The following ASIC2 variants were observed in gnomAD, a reference collection of about 807,000 sequenced individuals.
The protein encoded by ASIC2 is acid-sensing ion channel 2.
ASIC2 carries 25 observed loss-of-function variants against 57.3 expected under a neutral mutation model. The ratio of observed to expected loss-of-function variants is 0.44; its 90% confidence interval spans 0.32 to 0.61. The LOEUF (loss-of-function observed/expected upper bound fraction) is 0.61, where lower values mean the gene tolerates loss of function less well. Among genes scored for constraint, ASIC2 ranks in the 20% least tolerant of loss-of-function variants. The pLI is 0.06. For synonymous variants in ASIC2, 319 were observed against 307.5 expected (o/e 1.04, Z -0.39); for missense variants, 641 against 738.1 (o/e 0.87, Z 1.52).
In ASIC2 at chr17:33,457,361, G is replaced by A. The variant is rs140502340; in HGVS notation, c.556-345294C>T. On this transcript the variant is annotated intron_variant, in intron 1 of 9. Coordinates refer to the ASIC2 transcript ENST00000359872. ...TTTCTAAGTATTGAGTCTATTTACT[G>A]AGTGTATGATCTGTAGAGAGAAATA... 2.8e-4 allele frequency among the ~76,000 whole-genome samples: 43 copies of A among 151,812 alleles called. No individual in the cohort carries two copies. The East Asian group carries it at 4.8e-3, about 17-fold the overall frequency.
chr17:34,136,905 T>G (rs573360226), intron 1 of ASIC2, among the ~76,000 whole-genome samples: 1 of 152,314 alleles, frequency 6.6e-6, no homozygotes, highest in East Asian at 1.9e-4. Context: ...AGCCCACATT[T>G]TGCATACTCT....
chr17:34,061,099 A>C (rs1908955291), intron 1 of ASIC2, among the ~76,000 whole-genome samples: 1 of 152,202 alleles, frequency 6.6e-6, no homozygotes, highest in Non-Finnish European at 1.5e-5. Flanking sequence ...TGTGAGACAT[A>C]ATCACCAGGT....
chr17:33,572,808 G>T (rs1365129822), intron 1 of ASIC2, among the ~76,000 whole-genome samples: 1 of 152,194 alleles, frequency 6.6e-6, no homozygotes, highest in East Asian at 1.9e-4. Context: ...TACCTGCTTT[G>T]TGCCTTCCCC....
chr17:33,776,073 C>T (rs191435170), intron 1 of ASIC2, among the ~76,000 whole-genome samples: 9 of 144,722 alleles, frequency 6.2e-5, no homozygotes, highest in East Asian at 4.2e-4. Flanking sequence ...GCGGAGGTTG[C>T]GGTGAGTCAA....
At chr17:34,131,731 T>C (rs764916700) in intron 1 of ASIC2, among the ~76,000 whole-genome samples, 1 of 152,238 alleles carries the variant, frequency 6.6e-6, no homozygotes, top group Non-Finnish European at 1.5e-5. Flanking sequence ...CTGCGTGCCT[T>C]TCCTTTAATC....
chr17:33,081,280 T>C (rs953098251), intron 3 of ASIC2, among the ~76,000 whole-genome samples: 2 of 152,214 alleles, frequency 1.3e-5, no homozygotes, highest in Admixed American at 6.5e-5. Flanking sequence ...CAAAATCGTC[T>C]GGGGATCTGA....
chr17:33,547,759 A>G (rs910024032), intron 1 of ASIC2, among the ~76,000 whole-genome samples: 3 of 152,206 alleles, frequency 2.0e-5, no homozygotes, highest in Admixed American at 1.3e-4. Context: ...CTACACCTGC[A>G]TCTGAGAACC....
At chr17:33,665,317 T>C (rs1447717124) in intron 1 of ASIC2, among the ~76,000 whole-genome samples, 2 of 152,166 alleles carry the variant, frequency 1.3e-5, no homozygotes, top group Admixed American at 6.5e-5. Context: ...TATGTACTGA[T>C]GGGGGTGTCG....
At chr17:33,256,616 G>T (rs1182171667) in intron 1 of ASIC2, among the ~76,000 whole-genome samples, 2 of 152,200 alleles carry the variant, frequency 1.3e-5, no homozygotes, top group Non-Finnish European at 2.9e-5. Context: ...TGTATCACCT[G>T]AGGTCAGGAG....
At chr17:33,046,265 C>T (rs963221118) in intron 3 of ASIC2, among the ~76,000 whole-genome samples, 12 of 152,188 alleles carry the variant, frequency 7.9e-5, no homozygotes, top group Admixed American at 5.9e-4. Flanking sequence ...CTTCCATTCA[C>T]TATCTCTTTT....
intron 1 of ASIC2, among the ~76,000 whole-genome samples, chr17:33,350,857 C>T (rs1212736361): frequency 6.6e-6 from 1 of 152,084 alleles, no homozygotes; most frequent in Admixed American, 6.6e-5. Context: ...TAGAAGATAG[C>T]ATCATAGTAT....
rs554107796 is a variant in ASIC2 at position 33,878,497 on chromosome 17, A to G, written c.555+277481T>C. On this transcript the variant is annotated intron_variant, in intron 1 of 9. Coordinates refer to the ASIC2 transcript ENST00000359872. ...ATAGCCGATTCGATCAACTGGAAGA[A>G]AGGAGATCAGTGATGGAAGATCAAA... is the stretch of plus-strand genomic sequence containing the variant. Among the ~76,000 whole-genome samples, 83 of 152,360 alleles carry G rather than the reference A, an allele frequency of 5.4e-4. 1 individual carries two copies. The highest frequency in any genetic ancestry group is 1.9e-3 in the African/African-American group (80 of 41,580).
At chr17:33,794,345 AAGGCCCCTC>A (rs1911854671) in intron 1 of ASIC2, 1 of 152,120 alleles carries the variant, frequency 6.6e-6, no homozygotes, top group Non-Finnish European at 1.5e-5. Flanking sequence ...GTGTGTTACA[AAGGCCCCTC>A]AGGGTGTAAA....
At chr17:33,257,773 C>G (rs1909132538) in intron 1 of ASIC2, among the ~76,000 whole-genome samples, 1 of 152,226 alleles carries the variant, frequency 6.6e-6, no homozygotes, top group South Asian at 2.1e-4. Context: ...ACCACATCTT[C>G]CTTCACAGCA....
intron 1 of ASIC2, among the ~76,000 whole-genome samples, chr17:34,065,628 C>T (rs1466947990): frequency 3.3e-5 from 5 of 152,138 alleles, no homozygotes; most frequent in African/African-American, 1.2e-4. Context: ...GTTGTTATTA[C>T]AGGCTGCTTT....
At chr17:33,330,011 T>A (rs752748509) in intron 1 of ASIC2, among the ~76,000 whole-genome samples, 3 of 152,126 alleles carry the variant, frequency 2.0e-5, no homozygotes, top group Non-Finnish European at 4.4e-5. Flanking sequence ...AGGAAAAGGG[T>A]TGTGTTCTCA....
chr17:33,968,319 T>G lies in ASIC2; in HGVS notation c.555+187659A>C, dbSNP rs370875501. On this transcript the variant is annotated intron_variant, in intron 1 of 9. Transcript: ENST00000359872. ...GCCAGGCCTGGTGTCTGGCGAGACC[T>G]GAACAGGGGGCAGAATCTCTGCGGA... Among the ~76,000 whole-genome samples the G allele has an allele frequency of 2.0e-4, 31 of 152,254 alleles. No individual in the cohort carries two copies. In the East Asian group the frequency reaches 3.3e-3, roughly 16 times the overall value.
chr17:33,756,211 G>C (rs981745648), intron 1 of ASIC2, among the ~76,000 whole-genome samples: 1 of 152,218 alleles, frequency 6.6e-6, no homozygotes, highest in African/African-American at 2.4e-5. Context: ...TGTCTCCCCA[G>C]AGCCTTTGGA....
rs2091867406 is a variant in ASIC2, at chr17:33,028,321, G to A, written c.1059C>T (p.Tyr353=). 4 of 1,614,130 alleles carry A rather than the reference G, an allele frequency of 2.5e-6. No homozygotes were observed. The highest frequency in any genetic ancestry group is 2.5e-6 in the Non-Finnish European group (3 of 1,180,026). The stretch of plus-strand genomic sequence containing the variant: ...AGTCAATCCTACAGGCGGTGATGCT[G>A]TAAACAGGAAAAAAGTCGAGGCCCA... The part of the protein sequence containing the change: ...SEMGLDFFPV[Y]SITACRIDCE... Residue 353 remains tyrosine (Y), a synonymous_variant, in exon 4 of 10, where the codon TAC becomes TAT. Coordinates refer to ENST00000225823, the MANE Select transcript of ASIC2 (RefSeq NM_183377.2).
Sources: gnomAD v4.1 joint callset for allele counts (sites outside exome capture counted in the v4.1 genomes callset) on GRCh38, gnomAD v4.1.1 for gene constraint, MANE v1.5 for transcripts, NCBI Gene and HGNC (gene_info 2026-07-23, HGNC 2026-07-21) for gene names.